ADCY2: variants seen among roughly 807,000 people sequenced by gnomAD.
The protein encoded by ADCY2 is adenylate cyclase type 2.
In ADCY2, 31 loss-of-function variants were observed where a neutral mutation model predicts 125.2. The ratio of observed to expected loss-of-function variants is 0.25; its 90% CI spans 0.19 to 0.33. ADCY2 has a LOEUF of 0.33. Among genes scored for constraint, ADCY2 ranks in the 10% least tolerant of loss-of-function variants. The probability of loss-of-function intolerance (pLI) is 1.00; values close to 1 mark genes in which losing one functional copy is unlikely to be tolerated. For synonymous variants in ADCY2, 512 were observed against 548.4 expected, an observed-to-expected ratio of 0.93 and a Z score of 0.93; for missense variants, 904 against 1,418.2, an observed-to-expected ratio of 0.64 and a Z score of 5.82.
intron 3 of ADCY2, among the ~76,000 whole-genome samples, chr5:7,557,620 A>G (rs1735567562): frequency 6.6e-6 from 1 of 151,946 alleles, no homozygotes; most frequent in East Asian, 1.9e-4. Context: ...AGCATGAGGT[A>G]TTTGTTTTTC....
At chr5:7,747,636 C>T (rs1198686467) in intron 15 of ADCY2, among the ~76,000 whole-genome samples, 4 of 152,094 alleles carry the variant, frequency 2.6e-5, no homozygotes, top group East Asian at 1.9e-4. Flanking sequence ...TTGACTCTGA[C>T]GTGCCTCCAG....
rs1238543382 is a variant in ADCY2, at chr5:7,516,507, G to A, written c.409-4231G>A. ...TGAGAGACTGTGCTGCTCAGTCTGGGTCTGGGGACCCAGAATGGTAGAAGC... is the reference window on the plus strand; with the variant it reads ...TGAGAGACTGTGCTGCTCAGTCTGGATCTGGGGACCCAGAATGGTAGAAGC... On this transcript the variant is annotated intron_variant, in intron 2 of 24. Coordinates refer to ENST00000338316, the MANE Select transcript of ADCY2 (RefSeq NM_020546.3). Among the ~76,000 whole-genome samples, 3 of 152,166 alleles carry A rather than the reference G, an allele frequency of 2.0e-5. No homozygotes were observed. In the East Asian group the frequency reaches 5.8e-4, roughly 29 times the overall value.
intron 3 of ADCY2, among the ~76,000 whole-genome samples, chr5:7,550,835 C>T (rs1221962095): frequency 2.6e-5 from 4 of 152,200 alleles, no homozygotes; most frequent in Admixed American, 2.6e-4. Flanking sequence ...AATGCCTGAG[C>T]CACCTGCTCC....
chr5:7,575,218 A>G (rs1449197527), intron 3 of ADCY2, among the ~76,000 whole-genome samples: 1 of 152,160 alleles, frequency 6.6e-6, no homozygotes, highest in African/African-American at 2.4e-5. Context: ...CTGCATTTTA[A>G]TATAATCTTT....
intron 4 of ADCY2, among the ~76,000 whole-genome samples, chr5:7,689,780 T>C (rs776723322): frequency 6.6e-6 from 1 of 152,186 alleles, no homozygotes; most frequent in Non-Finnish European, 1.5e-5. Context: ...AAGTGTTTCA[T>C]TGAACAAATA....
intron 18 of ADCY2, among the ~76,000 whole-genome samples, chr5:7,773,943 TGTTA>T (rs1743634420): frequency 6.6e-6 from 1 of 152,240 alleles, no homozygotes; most frequent in Non-Finnish European, 1.5e-5. Context: ...TTATAACAAG[TGTTA>T]GGTTTATTTC....
intron 2 of ADCY2, among the ~76,000 whole-genome samples, chr5:7,448,477 T>G (rs1293612739): frequency 6.6e-6 from 1 of 152,170 alleles, no homozygotes; most frequent in Non-Finnish European, 1.5e-5. Context: ...TCATTATTTT[T>G]TTTTTTCATC....
chr5:7,596,034 A>G (rs1166953783), intron 3 of ADCY2, among the ~76,000 whole-genome samples: 1 of 135,894 alleles, frequency 7.4e-6, no homozygotes, highest in Non-Finnish European at 1.7e-5. Context: ...CTAGTTTAAT[A>G]TAATCCTTTC....
At chr5:7,766,926 C>A in intron 17 of ADCY2, 120 bp downstream of exon 17, 2 of 1,273,594 alleles carry the variant, frequency 1.6e-6, no homozygotes, top group Non-Finnish European at 2.1e-6. Flanking sequence ...TGGTATCAAT[C>A]CCTGAGTGGT....
At chr5:7,519,213 T>G (rs1744357373) in intron 2 of ADCY2, among the ~76,000 whole-genome samples, 1 of 152,200 alleles carries the variant, frequency 6.6e-6, no homozygotes, top group East Asian at 1.9e-4. Context: ...TAATACGTGG[T>G]GCAGATTCCC....
intron 3 of ADCY2, among the ~76,000 whole-genome samples, chr5:7,542,582 A>C (rs1016257817): frequency 5.9e-5 from 9 of 152,236 alleles, no homozygotes; most frequent in African/African-American, 2.2e-4. Context: ...GAAGAAACTC[A>C]TGGTCCACTG....
chr5:7,626,113 T>C, intron 3 of ADCY2, 54 bp from the exon 4 acceptor site: 2 of 1,561,582 alleles, frequency 1.3e-6, no homozygotes, highest in Non-Finnish European at 1.7e-6. Context: ...GTTTTGATTG[T>C]ATTCACAAGT....
intron 12 of ADCY2, among the ~76,000 whole-genome samples, chr5:7,720,077 G>A (rs1741710412): frequency 6.6e-6 from 1 of 152,112 alleles, no homozygotes; most frequent in Non-Finnish European, 1.5e-5. Flanking sequence ...ACGAAGGATG[G>A]GGTTGACTTT....
At chr5:7,785,233 G>T (rs1422382832) in intron 19 of ADCY2, among the ~76,000 whole-genome samples, 1 of 152,218 alleles carries the variant, frequency 6.6e-6, no homozygotes, top group African/African-American at 2.4e-5. Context: ...ATACTTATGA[G>T]TTTGGGTCTG....
At chr5:7,644,807 C>T (rs928635836) in intron 4 of ADCY2, among the ~76,000 whole-genome samples, 1 of 152,062 alleles carries the variant, frequency 6.6e-6, no homozygotes, top group African/African-American at 2.4e-5. Flanking sequence ...TTTGCCATTC[C>T]CAAAGCTACA....
chr5:7,623,986 C>G (rs1025088204), intron 3 of ADCY2, among the ~76,000 whole-genome samples: 3 of 152,118 alleles, frequency 2.0e-5, no homozygotes, highest in Admixed American at 6.5e-5. Flanking sequence ...TGGGGGTTAG[C>G]TCTAAGAATG....
chr5:7,622,705 AGG>A (rs1737995474), intron 3 of ADCY2, among the ~76,000 whole-genome samples: 1 of 152,174 alleles, frequency 6.6e-6, no homozygotes, highest in Non-Finnish European at 1.5e-5. Context: ...ATTGCTCTCC[AGG>A]GGGCCTCCTC....
chr5:7,430,976 A>C (rs75463182), intron 2 of ADCY2, among the ~76,000 whole-genome samples: 3 of 152,164 alleles, frequency 2.0e-5, no homozygotes, highest in Admixed American at 6.5e-5. Context: ...TTTCTCCCCA[A>C]ATTTGATCAA....
rs111395071 is a variant in ADCY2 at position 7,681,557 on chromosome 5, G to GT, written c.721-9128dup. Among the ~76,000 whole-genome samples, 290 of 152,270 alleles carry GT rather than the reference G, an allele frequency of 1.9e-3. 1 individual carries two copies. Among genetic ancestry groups the GT allele is most frequent in the African/African-American group, 6.6e-3 (276 of 41,566 alleles). On this transcript the variant is annotated intron_variant, in intron 4 of 24. Coordinates refer to ENST00000338316, the MANE Select transcript of ADCY2 (RefSeq NM_020546.3). ...GTGTTCAAGAGAGAAATGCAGTGCA[G>GT]TTTTTTCCGGAAATCTCCCCAGTTG...
Sources: gnomAD v4.1 joint callset for allele counts (sites outside exome capture counted in the v4.1 genomes callset) on GRCh38, gnomAD v4.1.1 for gene constraint, MANE v1.5 for transcripts, NCBI Gene and HGNC (gene_info 2026-07-23, HGNC 2026-07-21) for gene names.